Variants in TMC5 observed in about 807,000 individuals in gnomAD.
TMC5 encodes transmembrane channel-like protein 5.
A neutral mutation model predicts 110.5 loss-of-function variants in TMC5; 86 were observed. The ratio of observed to expected loss-of-function variants is 0.78; its 90% confidence interval spans 0.65 to 0.93. The LOEUF (loss-of-function observed/expected upper bound fraction) is 0.93. Ranked by LOEUF, TMC5 falls within the 40% of genes least tolerant of loss-of-function variation. The pLI, the probability that TMC5 is intolerant of heterozygous loss-of-function variation, is 0.00. For synonymous variants in TMC5, 455 were observed against 439.5 expected (o/e 1.04, Z -0.44); for missense variants, 1,144 against 1,222.8 (o/e 0.94, Z 0.96).
chr16:19,496,008 T>G (rs1234121012), intron 20 of TMC5, among the ~76,000 whole-genome samples: 1 of 151,632 alleles, frequency 6.6e-6, no homozygotes, highest in African/African-American at 2.4e-5. Flanking sequence ...ACAAGAAAAC[T>G]TAGCTGGGTG....
intron 15 of TMC5, among the ~76,000 whole-genome samples, chr16:19,484,006 C>T (rs1054842707): frequency 4.7e-5 from 7 of 147,554 alleles, no homozygotes; most frequent in East Asian, 2.0e-4. Flanking sequence ...CACTTGAACC[C>T]GGGAGGTGGA....
chr16:19,485,359 C>T (rs747397734), intron 15 of TMC5, among the ~76,000 whole-genome samples: 1 of 152,070 alleles, frequency 6.6e-6, no homozygotes, highest in African/African-American at 2.4e-5. Context: ...AGAAGAAAGG[C>T]CTTTGTAAAT....
At chr16:19,453,666 G>A (rs890598493) in intron 5 of TMC5, among the ~76,000 whole-genome samples, 15 of 152,052 alleles carry the variant, frequency 9.9e-5, no homozygotes, top group African/African-American at 3.1e-4. Context: ...TACTCTGGAG[G>A]CTGAGATGGG....
chr16:19,477,277 A>G (rs1370224472), intron 12 of TMC5, among the ~76,000 whole-genome samples, 163 bp from the exon 13 acceptor site: 1 of 151,972 alleles, frequency 6.6e-6, no homozygotes, highest in East Asian at 1.9e-4. Flanking sequence ...AGTGACACAC[A>G]TTGCTTCTGT....
chr16:19,448,769 AAAAT>A (rs1396071897), intron 4 of TMC5, among the ~76,000 whole-genome samples: 1 of 143,000 alleles, frequency 7.0e-6, no homozygotes, highest in Non-Finnish European at 1.5e-5. Context: ...GTAACATATA[AAAAT>A]AAATATATTA....
At position 19,444,098 on chromosome 16, in the gene TMC5, C is replaced by T. The variant is rs912304499; in HGVS notation, c.806C>T (p.Ser269Phe). ...GATTTTAGGGTGCTCAGCAGAACATCTTCAATCCAGCCCTCATTTCGTCAC... is the reference window on the plus strand; with the variant it reads ...GATTTTAGGGTGCTCAGCAGAACATTTTCAATCCAGCCCTCATTTCGTCAC... ...KMTRGVLSRT[S>F]SIQPSFRHRS... is the part of the protein sequence containing the mutation. Residue 269 changes from serine (S) to phenylalanine (F), a missense_variant, in exon 4 of 22, where the codon TCT becomes TTT. Physicochemically the swap from Ser to Phe is radical, Grantham distance 155. Coordinates refer to ENST00000542583, the MANE Select transcript of TMC5 (RefSeq NM_001261841.2). 6 of 1,613,844 alleles carry T rather than the reference C, an allele frequency of 3.7e-6. No homozygotes were observed. In the African/African-American group the frequency reaches 6.7e-5, roughly 18 times the overall value.
intron 1 of TMC5, among the ~76,000 whole-genome samples, chr16:19,419,579 A>AT (rs947763531): frequency 1.4e-4 from 21 of 151,422 alleles, no homozygotes; most frequent in Admixed American, 2.6e-4. Context: ...TGCCCGGCTA[A>AT]TTTTTTGTAT....
intron 8 of TMC5, among the ~76,000 whole-genome samples, chr16:19,464,415 C>T (rs143301073): frequency 1.6e-4 from 24 of 152,140 alleles, no homozygotes; most frequent in African/African-American, 5.1e-4. Context: ...CAGAGCGAGG[C>T]CTTGTCTCAA....
At chr16:19,434,194 ATATATC>A (rs1283546231) in intron 2 of TMC5, among the ~76,000 whole-genome samples, 1 of 122,706 alleles carries the variant, frequency 8.1e-6, no homozygotes, top group East Asian at 2.0e-4. Context: ...TATATAATAT[ATATATC>A]TATATATCTA....
chr16:19,435,552 C>T (rs138368449), intron 2 of TMC5, among the ~76,000 whole-genome samples: 3,193 of 151,688 alleles, frequency 0.021, 60 homozygotes, highest in Non-Finnish European at 0.031. Context: ...ATGTGCACAA[C>T]TCTTAAGTGT....
chr16:19,440,852 C>A, intron 3 of TMC5, 26 bp downstream of exon 3: 1 of 1,591,204 alleles, frequency 6.3e-7, no homozygotes, highest in Non-Finnish European at 8.6e-7. Context: ...TATCCCTTCA[C>A]TGGGAGTGGA....
rs1470961945 is a variant in TMC5 at position 19,495,020 on chromosome 16, T to TAA, written c.2931+654_2931+655insAA. On this transcript the variant is annotated intron_variant, in intron 20 of 21. Transcript: ENST00000542583. ...TACTTCAGTGTCTATTCTTTTTTTT[T>TAA]TTTTTTTTTTTTGAGACGGAGTCTC... is the stretch of plus-strand genomic sequence containing the variant. Among the ~76,000 whole-genome samples, 172 of 20,296 alleles carry TAA rather than the reference T, an allele frequency of 8.5e-3. 1 individual carries two copies. The highest frequency in any genetic ancestry group is 0.038 in the Middle Eastern group (1 of 26). The allele number at this position is 20,296 out of a possible 152,430, so 13.3% of individuals were successfully genotyped here.
chr16:19,440,402 T>A lies in TMC5; in HGVS notation c.364T>A (p.Ser122Thr). The A allele has an allele frequency of 6.2e-7, 1 of 1,614,074 alleles. No homozygotes were observed. The highest frequency in any genetic ancestry group is 8.5e-7 in the Non-Finnish European group (1 of 1,180,022). ...EFQSHPYHRA[S>T]SRQPDYPGSQ... is the part of the protein sequence containing the mutation. Reference sequence around the variant, plus strand: ...TCAGAGTCATCCCTACCACCGAGCATCATCCAGACAACCAGACTACCCTGG... The same window carrying A: ...TCAGAGTCATCCCTACCACCGAGCAACATCCAGACAACCAGACTACCCTGG... Residue 122 changes from serine to threonine, a missense_variant, in exon 3 of 22, where the codon TCA becomes ACA. Transcript: ENST00000542583.
At chr16:19,471,688 G>A (rs1968345589) in intron 10 of TMC5, among the ~76,000 whole-genome samples, 1 of 152,138 alleles carries the variant, frequency 6.6e-6, no homozygotes, top group African/African-American at 2.4e-5. Context: ...AGCATTCCCT[G>A]GGGATCTTTG....
exon 1 of TMC5, chr16:19,410,795 T>C (rs1966854085): frequency 6.6e-6 from 1 of 152,100 alleles, no homozygotes; most frequent in Non-Finnish European, 1.5e-5. Context: ...TCGCCAGGAG[T>C]GGGGCCAGCG....
At chr16:19,443,932 C>A in intron 3 of TMC5, 149 bp from the exon 4 acceptor site, 1 of 727,502 alleles carries the variant, frequency 1.4e-6, no homozygotes, top group Non-Finnish European at 2.2e-6. Context: ...TGGATGGATA[C>A]ATGGATGGAT....
intron 9 of TMC5, among the ~76,000 whole-genome samples, chr16:19,466,451 A>C (rs1384070990): frequency 6.6e-6 from 1 of 152,140 alleles, no homozygotes; most frequent in African/African-American, 2.4e-5. Context: ...TCCCAGGTTC[A>C]AGTGATTCTC....
intron 1 of TMC5, among the ~76,000 whole-genome samples, chr16:19,423,028 G>A (rs1967018485): frequency 6.6e-6 from 1 of 152,202 alleles, no homozygotes; most frequent in Non-Finnish European, 1.5e-5. Flanking sequence ...CGAGGCTGAG[G>A]CAGGAGGATC....
At chr16:19,413,803 C>T (rs777595967), upstream of TMC5, among the ~76,000 whole-genome samples, 2 of 152,142 alleles carry the variant, frequency 1.3e-5, no homozygotes, top group African/African-American at 2.4e-5. Flanking sequence ...GGTTAAAATC[C>T]TGCCTCTGCC....
Sources: allele counts gnomAD v4.1 joint callset (sites outside exome capture counted in the v4.1 genomes callset), GRCh38; gene constraint gnomAD v4.1.1; transcripts MANE v1.5; gene names NCBI Gene and HGNC (gene_info 2026-07-23, HGNC 2026-07-21).